The following UVRAG variants were observed in gnomAD, a reference collection of about 807,000 sequenced individuals.
UVRAG encodes UV radiation resistance-associated gene protein.
UVRAG carries 19 observed loss-of-function variants against 78.0 expected under a neutral mutation model. That is an observed-to-expected ratio of 0.24 (90% CI 0.17 to 0.36). The LOEUF is 0.36. Ranked by LOEUF, UVRAG falls within the 10% of genes least tolerant of loss-of-function variation. The pLI is 1.00. For missense variants in UVRAG, 740 were observed against 853.8 expected, an observed-to-expected ratio of 0.87 and a Z score of 1.66; for synonymous variants, 323 against 324.6, an observed-to-expected ratio of 1.00 and a Z score of 0.05.
intron 14 of UVRAG, among the ~76,000 whole-genome samples, chr11:76,131,731 A>G (rs1952515398): frequency 6.6e-6 from 1 of 152,154 alleles, no homozygotes; most frequent in South Asian, 2.1e-4. Flanking sequence ...TTAAGTACTT[A>G]CACTTATCTG....
At chr11:75,886,777 G>C (rs1348331915) in intron 4 of UVRAG, among the ~76,000 whole-genome samples, 1 of 152,154 alleles carries the variant, frequency 6.6e-6, no homozygotes, top group Non-Finnish European at 1.5e-5. Context: ...GTAGAGAAAG[G>C]AGAGATTCTG....
chr11:76,122,415 T>A (rs1167613723), intron 14 of UVRAG, among the ~76,000 whole-genome samples: 1 of 152,192 alleles, frequency 6.6e-6, no homozygotes, highest in Non-Finnish European at 1.5e-5. Flanking sequence ...CAAACAGGTT[T>A]AAGCTGCCTG....
At chr11:76,023,974 A>G (rs781517221) in intron 12 of UVRAG, among the ~76,000 whole-genome samples, 3 of 152,212 alleles carry the variant, frequency 2.0e-5, no homozygotes, top group African/African-American at 4.8e-5. Flanking sequence ...GGACGCCTAG[A>G]TGATTTTAAG....
rs188200866 is a variant in UVRAG at position 75,878,510 on chromosome 11, G to T, written c.271-1369G>T. ...GGCACTTTGGGAGGCCAAGGCTGGC[G>T]GCTGGGAGGTGGAGGTTGTAGCGAG... On this transcript the variant is annotated intron_variant, in intron 3 of 14. Coordinates refer to ENST00000356136, the MANE Select transcript of UVRAG (RefSeq NM_003369.4). 2.1e-3 allele frequency: 390 copies of T among 186,092 alleles called. 12 individuals carry two copies. Among genetic ancestry groups the T allele is most frequent in the African/African-American group, 8.9e-3 (370 of 41,358 alleles). 11.5% of individuals were successfully genotyped at this position (186,092 alleles called of 1,614,324 possible).
At chr11:75,918,571 A>G (rs1947910630) in intron 6 of UVRAG, among the ~76,000 whole-genome samples, 1 of 152,088 alleles carries the variant, frequency 6.6e-6, no homozygotes, top group Non-Finnish European at 1.5e-5. Context: ...AATAACTATC[A>G]TTTATGGAGT....
At chr11:75,977,047 C>T (rs1591084706) in intron 7 of UVRAG, among the ~76,000 whole-genome samples, 3 of 152,188 alleles carry the variant, frequency 2.0e-5, no homozygotes, top group African/African-American at 7.2e-5. Context: ...TAAATGTGTC[C>T]CAGAGATTCT....
At chr11:75,824,420 A>G (rs1328085444) in intron 1 of UVRAG, among the ~76,000 whole-genome samples, 3 of 149,886 alleles carry the variant, frequency 2.0e-5, no homozygotes, top group South Asian at 4.2e-4. Flanking sequence ...AGGAAAAGCT[A>G]TGTTTATTTA....
chr11:75,828,756 T>TATATATATATATATACACAC, intron 1 of UVRAG, among the ~76,000 whole-genome samples: 1 of 86,016 alleles, frequency 1.2e-5, no homozygotes, highest in African/African-American at 5.5e-5. Context: ...TACACACACA[T>TATATATATATATATACACAC]ATATATATAT....
At chr11:75,910,517 A>G (rs1417349456) in intron 5 of UVRAG, among the ~76,000 whole-genome samples, 10 of 145,414 alleles carry the variant, frequency 6.9e-5, no homozygotes, top group Admixed American at 5.4e-4. Context: ...TTTAAGAAAC[A>G]TGACTATTTA....
chr11:76,118,832 G>A (rs2134472905), intron 14 of UVRAG, among the ~76,000 whole-genome samples: 1 of 152,260 alleles, frequency 6.6e-6, no homozygotes, highest in South Asian at 2.1e-4. Context: ...GAGGTTATAA[G>A]AGCTTCATAA....
intron 6 of UVRAG, among the ~76,000 whole-genome samples, chr11:75,934,189 C>CAA (rs748090020): frequency 5.3e-5 from 8 of 152,138 alleles, no homozygotes; most frequent in Non-Finnish European, 8.8e-5. Flanking sequence ...TCATCTATAA[C>CAA]AACATGGATG....
chr11:75,911,840 T>C (rs1947746929), intron 5 of UVRAG, 114 bp from the exon 6 acceptor site: 1 of 673,620 alleles, frequency 1.5e-6, no homozygotes, highest in Non-Finnish European at 2.5e-6. Context: ...CTCTAAAATT[T>C]TAGATTTACT....
At chr11:75,898,816 G>A (rs902233844) in intron 5 of UVRAG, among the ~76,000 whole-genome samples, 1 of 152,146 alleles carries the variant, frequency 6.6e-6, no homozygotes, top group Non-Finnish European at 1.5e-5. Flanking sequence ...GAAGTTAAGA[G>A]ATTTCCATGT....
Position 75,941,288 on chromosome 11 carries a change from A to G in UVRAG, c.594-20156A>G, listed in dbSNP as rs1400408571. On this transcript the variant is annotated intron_variant, in intron 6 of 14. Coordinates refer to ENST00000356136, the MANE Select transcript of UVRAG (RefSeq NM_003369.4). ...TGTTCAGATTTTTGTTGTTGTCTCT[A>G]CTTCTCCATATCTTTATTATTAATT... Among the ~76,000 whole-genome samples, 4 of 152,242 alleles carry G rather than the reference A, an allele frequency of 2.6e-5. No homozygotes were observed. The East Asian group carries it at 7.7e-4, about 29-fold the overall frequency.
In UVRAG at chr11:75,861,611, T is replaced by C; in HGVS notation, c.236-135T>C. ...CTTTTTTTTTTAACAGATAAAGATATAGAGAGAATAAATCCCTTGAAAATA... is the reference window on the plus strand; with the variant it reads ...CTTTTTTTTTTAACAGATAAAGATACAGAGAGAATAAATCCCTTGAAAATA... On this transcript the variant is annotated intron_variant, in intron 2 of 14. Transcript: ENST00000356136. 3 of 590,378 alleles carry C rather than the reference T, an allele frequency of 5.1e-6. No homozygotes were observed. The South Asian group carries it at 7.1e-5, about 14-fold the overall frequency. The allele number at this position is 590,378 out of a possible 1,614,324, so 36.6% of individuals were successfully genotyped here.
chr11:76,102,604 T>C (rs907120521), intron 13 of UVRAG, among the ~76,000 whole-genome samples: 5 of 152,154 alleles, frequency 3.3e-5, no homozygotes, highest in South Asian at 2.1e-4. Flanking sequence ...TCCAATACTA[T>C]GTCAAATAGG....
chr11:75,927,372 G>T (rs1565383323), intron 6 of UVRAG, among the ~76,000 whole-genome samples: 2 of 151,992 alleles, frequency 1.3e-5, no homozygotes, highest in Non-Finnish European at 2.9e-5. Context: ...CCTGGCCAGG[G>T]ATGTAATTTG....
intron 6 of UVRAG, among the ~76,000 whole-genome samples, chr11:75,931,105 GT>G (rs934350274): frequency 2.0e-5 from 3 of 150,828 alleles, no homozygotes; most frequent in African/African-American, 4.9e-5. Context: ...TTCATTTTAT[GT>G]TTTTTTGGGA....
intron 14 of UVRAG, chr11:76,137,834 G>A: frequency 4.2e-6 from 1 of 238,098 alleles, no homozygotes; most frequent in Non-Finnish European, 8.4e-6. Context: ...CTTAAGGCCA[G>A]GAGTTGAGGC....
Sources: allele counts gnomAD v4.1 joint callset (sites outside exome capture counted in the v4.1 genomes callset), GRCh38; gene constraint gnomAD v4.1.1; transcripts MANE v1.5; gene names NCBI Gene and HGNC (gene_info 2026-07-23, HGNC 2026-07-21).